NAV2: variants seen among roughly 807,000 people sequenced by gnomAD.
NAV2 encodes neuron navigator 2.
A neutral mutation model predicts 223.2 loss-of-function variants in NAV2; 54 were observed. The observed-to-expected ratio is 0.24, with a 90% CI of 0.19 to 0.30. The LOEUF is 0.30. Ranked by LOEUF, NAV2 falls within the 10% of genes least tolerant of loss-of-function variation. The pLI, the probability that NAV2 is intolerant of heterozygous loss-of-function variation, is 1.00. For missense variants in NAV2, 2,806 were observed against 3,147.5 expected (o/e 0.89, Z 2.60); for synonymous variants, 1,279 against 1,239.3 (o/e 1.03, Z -0.67).
chr11:19,618,013 T>C (rs571805994), intron 1 of NAV2, among the ~76,000 whole-genome samples: 3 of 152,298 alleles, frequency 2.0e-5, no homozygotes, highest in African/African-American at 7.2e-5. Flanking sequence ...TCTCCATTAC[T>C]TTACGCTATT....
intron 6 of NAV2, among the ~76,000 whole-genome samples, chr11:19,913,325 TG>T (rs2043481225): frequency 6.6e-6 from 1 of 152,186 alleles, no homozygotes; most frequent in South Asian, 2.1e-4. Flanking sequence ...CATGAGAGTG[TG>T]GGGGAGCCTT....
intron 1 of NAV2, among the ~76,000 whole-genome samples, chr11:19,468,449 C>A (rs1012826211): frequency 2.6e-5 from 4 of 152,160 alleles, no homozygotes; most frequent in Non-Finnish European, 4.4e-5. Flanking sequence ...TGGCTTGTGA[C>A]AACATCACTC....
At chr11:19,817,332 T>C (rs1002247633) in intron 1 of NAV2, among the ~76,000 whole-genome samples, 6 of 152,170 alleles carry the variant, frequency 3.9e-5, no homozygotes, top group African/African-American at 7.2e-5. Context: ...GAGGATCCCA[T>C]TGGAAATGTA....
chr11:20,068,577 G>C (rs962308260), intron 22 of NAV2, among the ~76,000 whole-genome samples, 179 bp downstream of exon 22: 4 of 152,122 alleles, frequency 2.6e-5, no homozygotes, highest in African/African-American at 9.7e-5. Context: ...TGTGACTTTG[G>C]GTAAGTTCTT....
At chr11:19,751,519 A>G (rs10766591) in intron 1 of NAV2, among the ~76,000 whole-genome samples, 148,841 of 152,238 alleles carry the variant, frequency 0.98, 72,854 homozygotes, top group East Asian at 1. Flanking sequence ...ACTGTTTTCC[A>G]AGTTTTTCAA....
rs556610703 is a variant in NAV2 at position 19,432,496 on chromosome 11, G to GA, written c.75+81476dup. ...ATTTAAGTCATAGAGAGTATGTTGG[G>GA]AAAAAAACCACAAATGGCACACTCA... On this transcript the variant is annotated intron_variant, in intron 1 of 37. Coordinates refer to the NAV2 transcript ENST00000360655. 2.0e-5 allele frequency among the ~76,000 whole-genome samples: 3 copies of GA among 152,250 alleles called. No individual in the cohort carries two copies. In the East Asian group the frequency reaches 5.8e-4, roughly 29 times the overall value.
chr11:19,468,441 G>A (rs1852446944), intron 1 of NAV2, among the ~76,000 whole-genome samples: 1 of 152,014 alleles, frequency 6.6e-6, no homozygotes, highest in Non-Finnish European at 1.5e-5. Flanking sequence ...GCATTCTTTG[G>A]CTTGTGACAA....
chr11:19,935,851 G>GTTTTT (rs765632685), intron 7 of NAV2, among the ~76,000 whole-genome samples: 58 of 52,694 alleles, frequency 1.1e-3, no homozygotes, highest in African/African-American at 2.2e-3. Context: ...TTTTGTTTCT[G>GTTTTT]TTTTTTTTTT....
intron 3 of NAV2, among the ~76,000 whole-genome samples, chr11:19,862,911 GT>G (rs1213467269): frequency 6.6e-6 from 1 of 152,198 alleles, no homozygotes; most frequent in Admixed American, 6.5e-5. Flanking sequence ...TGGTTTCATA[GT>G]TTTTTTCTTC....
At chr11:20,002,917 G>C (rs1410427894) in intron 11 of NAV2, among the ~76,000 whole-genome samples, 1 of 152,210 alleles carries the variant, frequency 6.6e-6, no homozygotes, top group Non-Finnish European at 1.5e-5. Flanking sequence ...GGGGCTCACA[G>C]TATTAGAACT....
chr11:19,463,747 C>A (rs1284862550), intron 1 of NAV2, among the ~76,000 whole-genome samples: 1 of 151,850 alleles, frequency 6.6e-6, no homozygotes, highest in Non-Finnish European at 1.5e-5. Flanking sequence ...GCAATCCAGG[C>A]AGGGAATACA....
intron 1 of NAV2, among the ~76,000 whole-genome samples, chr11:19,391,393 G>T (rs1055493745): frequency 2.0e-5 from 3 of 152,176 alleles, no homozygotes; most frequent in Admixed American, 1.3e-4. Context: ...TTTTCCAGAA[G>T]AATTGTCCTT....
intron 2 of NAV2, among the ~76,000 whole-genome samples, chr11:19,834,859 T>C (rs1013019189): frequency 2.0e-5 from 3 of 152,224 alleles, no homozygotes; most frequent in Admixed American, 6.5e-5. Flanking sequence ...GCTTGTTTTA[T>C]CTGATCTTAC....
chr11:19,415,876 C>T (rs1019159782), intron 1 of NAV2, among the ~76,000 whole-genome samples: 1 of 152,116 alleles, frequency 6.6e-6, no homozygotes, highest in African/African-American at 2.4e-5. Flanking sequence ...CAGAAAAGGC[C>T]TTCGATAAAA....
At position 20,114,926 on chromosome 11, in the gene NAV2, C is replaced by A. The variant is rs75686663; in HGVS notation, c.7164+131C>A. Reference sequence around the variant, plus strand: ...GCTTTGGAAGGCTGGACCCAAATGACTGGGCCATTTTTGCCAATATTTTCT... The same window carrying A: ...GCTTTGGAAGGCTGGACCCAAATGAATGGGCCATTTTTGCCAATATTTTCT... On this transcript the variant is annotated intron_variant, in intron 37 of 37. Coordinates refer to ENST00000349880, the MANE Select transcript of NAV2 (RefSeq NM_145117.5). 7.1e-4 allele frequency: 633 copies of A among 892,612 alleles called. 4 individuals are homozygous for A. In the East Asian group the frequency reaches 0.016, roughly 23 times the overall value. The allele number at this position is 892,612 out of a possible 1,614,324, so 55.3% of individuals were successfully genotyped here.
chr11:19,882,588 T>C (rs979343595), intron 5 of NAV2, among the ~76,000 whole-genome samples: 2 of 152,204 alleles, frequency 1.3e-5, no homozygotes, highest in African/African-American at 4.8e-5. Flanking sequence ...TGAGCTTTGC[T>C]AACCTGAGGC....
intron 4 of NAV2, among the ~76,000 whole-genome samples, chr11:19,870,002 T>C (rs576041579): frequency 6.6e-6 from 1 of 152,290 alleles, no homozygotes; most frequent in East Asian, 1.9e-4. Context: ...GGGTGGGTGG[T>C]ATAAATGACC....
intron 8 of NAV2, among the ~76,000 whole-genome samples, chr11:19,941,456 G>A (rs188270463): frequency 6.6e-6 from 1 of 151,510 alleles, no homozygotes; most frequent in Admixed American, 6.6e-5. Context: ...ATAATAAATA[G>A]CATGAGGTTG....
At chr11:19,703,535 AC>A (rs1379086355) in intron 1 of NAV2, among the ~76,000 whole-genome samples, 1 of 152,186 alleles carries the variant, frequency 6.6e-6, no homozygotes, top group Non-Finnish European at 1.5e-5. Flanking sequence ...GCCTGATGCT[AC>A]CCGCACCGCT....
Sources: gnomAD v4.1 joint callset for allele counts (sites outside exome capture counted in the v4.1 genomes callset) on GRCh38, gnomAD v4.1.1 for gene constraint, MANE v1.5 for transcripts, NCBI Gene and HGNC (gene_info 2026-07-23, HGNC 2026-07-21) for gene names.